The following KLF5 variants were observed in gnomAD, a reference collection of about 807,000 sequenced individuals.
The protein encoded by KLF5 is KLF transcription factor 5.
A neutral mutation model predicts 36.9 loss-of-function variants in KLF5; 9 were observed. The ratio of observed to expected loss-of-function variants is 0.24; its 90% CI spans 0.15 to 0.43. The LOEUF (loss-of-function observed/expected upper bound fraction) is 0.43, where lower values mean the gene tolerates loss of function less well. KLF5 is among the 20% of genes least tolerant of loss of function. The pLI is 1.00. For missense variants in KLF5, 524 were observed against 599.5 expected (o/e 0.87, Z 1.31); for synonymous variants, 246 against 241.7 (o/e 1.02, Z -0.17).
At chr13:73,064,457 T>A (rs2044664485) in intron 3 of KLF5, among the ~76,000 whole-genome samples, 1 of 152,178 alleles carries the variant, frequency 6.6e-6, no homozygotes, top group African/African-American at 2.4e-5. Flanking sequence ...TGTGAGAGAC[T>A]TGATCTTTAT....
chr13:73,059,674 T>C, intron 1 of KLF5, 86 bp downstream of exon 1: 1 of 1,008,816 alleles, frequency 9.9e-7, no homozygotes. Context: ...CAGGGGCCGC[T>C]CCAGGCTGGG....
intron 2 of KLF5, 109 bp downstream of exon 2, chr13:73,062,843 T>G: frequency 2.3e-6 from 2 of 857,574 alleles, no homozygotes; most frequent in Non-Finnish European, 3.6e-6. Flanking sequence ...TTCAACCTCA[T>G]GGCTTTAAAT....
chr13:73,062,012 T>G lies in KLF5; in HGVS notation c.413T>G (p.Val138Gly), dbSNP rs376732796. Residue 138 changes from valine (V) to glycine (G), a missense_variant, in exon 2 of 4, where the codon GTC becomes GGC. Physicochemically the swap from Val to Gly is moderately radical, Grantham distance 109. Coordinates refer to ENST00000377687, the MANE Select transcript of KLF5 (RefSeq NM_001730.5). Reference protein sequence around the residue: ...EGLPYSINMNVFLPDITHLRT... With the variant: ...EGLPYSINMNGFLPDITHLRT... ...TTACCTTACAGTATCAACATGAACG[T>G]CTTCCTCCCTGACATCACTCACCTG... The G allele has an allele frequency of 6.2e-7, 1 of 1,613,948 alleles. No homozygotes were observed. Among genetic ancestry groups the G allele is most frequent in the Non-Finnish European group, 8.5e-7 (1 of 1,180,022 alleles).
intron 3 of KLF5, among the ~76,000 whole-genome samples, chr13:73,064,716 G>C (rs969494119): frequency 3.3e-5 from 5 of 152,004 alleles, no homozygotes; most frequent in Non-Finnish European, 7.4e-5. Flanking sequence ...GTTGATTTTT[G>C]TATCTCTAGT....
intron 3 of KLF5, among the ~76,000 whole-genome samples, chr13:73,069,362 A>T (rs2044706297): frequency 1.3e-5 from 2 of 152,206 alleles, no homozygotes; most frequent in South Asian, 4.1e-4. Flanking sequence ...TAGAGATAAC[A>T]CAGGCAAAAT....
chr13:73,060,830 A>G (rs2044629393), intron 1 of KLF5, among the ~76,000 whole-genome samples: 1 of 152,202 alleles, frequency 6.6e-6, no homozygotes, highest in Non-Finnish European at 1.5e-5. Context: ...TTATACTAGG[A>G]GAGAAGATAG....
upstream of KLF5, among the ~76,000 whole-genome samples, chr13:73,055,592 G>A (rs1252125455): frequency 6.6e-6 from 1 of 151,882 alleles, no homozygotes; most frequent in Non-Finnish European, 1.5e-5. Context: ...TGCCATTAAT[G>A]AAAAAATACA....
At chr13:73,057,643 T>C (rs1264057136), upstream of KLF5, among the ~76,000 whole-genome samples, 2 of 152,232 alleles carry the variant, frequency 1.3e-5, no homozygotes, top group Non-Finnish European at 2.9e-5. Flanking sequence ...ATACCTTTGA[T>C]AGATACACTC....
chr13:73,063,953 TA>T, intron 3 of KLF5, 70 bp downstream of exon 3: 2 of 918,314 alleles, frequency 2.2e-6, no homozygotes, highest in Non-Finnish European at 3.5e-6. Flanking sequence ...TTTTAAAAGC[TA>T]ACACGTGTTT....
At chr13:73,062,764 A>G (rs766120552) in intron 2 of KLF5, 30 bp downstream of exon 2, 19 of 1,584,204 alleles carry the variant, frequency 1.2e-5, no homozygotes, top group Middle Eastern at 1.7e-4. Context: ...TGAAGCATCA[A>G]TAGATGTAGT....
In KLF5 at chr13:73,059,229, T is replaced by C; in HGVS notation, c.-99T>C. The C allele has an allele frequency of 1.7e-6, 2 of 1,184,684 alleles. No homozygotes were observed. The highest frequency in any genetic ancestry group is 3.0e-5 in the South Asian group (1 of 33,228). 73.4% of individuals were successfully genotyped at this position (1,184,684 alleles called of 1,614,324 possible). A position where few individuals can be genotyped will look rare whatever the true frequency, so the allele number is the denominator to read the frequency against. ...GGAGTCCACCCGAAACCTCCCCTCCTCCGCCGGCAGCCCCGCGCTGAGCTC... is the reference window on the plus strand; with the variant it reads ...GGAGTCCACCCGAAACCTCCCCTCCCCCGCCGGCAGCCCCGCGCTGAGCTC... On this transcript the variant is annotated 5_prime_UTR_variant, in exon 1 of 4. Coordinates refer to ENST00000377687, the MANE Select transcript of KLF5 (RefSeq NM_001730.5).
At chr13:73,064,655 T>C (rs549711853) in intron 3 of KLF5, among the ~76,000 whole-genome samples, 1 of 152,322 alleles carries the variant, frequency 6.6e-6, no homozygotes, top group Admixed American at 6.5e-5. Flanking sequence ...GCGATTCTCC[T>C]GCTTCAGCCT....
In KLF5 at chr13:73,061,026, T is replaced by C. The variant is rs1374672388; in HGVS notation, c.262-835T>C. ...TAGCATTGGCCCACTGAGAAGGACA[T>C]GATAAATGTTTTGCTGATGACTGTG... is the stretch of plus-strand genomic sequence containing the variant. On this transcript the variant is annotated intron_variant, in intron 1 of 3. Coordinates refer to ENST00000377687, the MANE Select transcript of KLF5 (RefSeq NM_001730.5). Among the ~76,000 whole-genome samples the C allele has an allele frequency of 2.0e-5, 3 of 152,154 alleles. No homozygotes were observed. In the East Asian group the frequency reaches 5.8e-4, roughly 29 times the overall value.
At chr13:73,070,843 G>T (rs1258688671) in intron 3 of KLF5, among the ~76,000 whole-genome samples, 4 of 152,090 alleles carry the variant, frequency 2.6e-5, no homozygotes, top group Non-Finnish European at 5.9e-5. Context: ...TCAAAACATG[G>T]TTCTCACCTA....
chr13:73,063,078 C>T (rs895139861), intron 2 of KLF5, among the ~76,000 whole-genome samples: 25 of 151,912 alleles, frequency 1.6e-4, no homozygotes, highest in African/African-American at 6.0e-4. Context: ...CGAGTTAGGC[C>T]AGAGTTACTT....
At chr13:73,068,985 A>G (rs1370638090) in intron 3 of KLF5, among the ~76,000 whole-genome samples, 7 of 152,132 alleles carry the variant, frequency 4.6e-5, no homozygotes, top group East Asian at 1.9e-4. Context: ...AGTCCCAGCT[A>G]CTTGGGAGCC....
intron 3 of KLF5, among the ~76,000 whole-genome samples, chr13:73,074,560 GT>G (rs370561335): frequency 3.5e-4 from 54 of 152,122 alleles, no homozygotes; most frequent in African/African-American, 1.2e-3. Flanking sequence ...CTGAAAGAAC[GT>G]TTTGGCATTT....
At chr13:73,066,273 C>G (rs914130814) in intron 3 of KLF5, among the ~76,000 whole-genome samples, 2 of 151,412 alleles carry the variant, frequency 1.3e-5, no homozygotes, top group African/African-American at 4.9e-5. Context: ...CCTCCCCACC[C>G]TGCCCGCCTG....
intron 1 of KLF5, chr13:73,059,817 C>T: frequency 2.1e-6 from 2 of 941,048 alleles, no homozygotes; most frequent in Non-Finnish European, 2.5e-6. Flanking sequence ...GGGAATCTGC[C>T]CCGGCGGGTC....
Sources: allele counts gnomAD v4.1 joint callset (sites outside exome capture counted in the v4.1 genomes callset), GRCh38; gene constraint gnomAD v4.1.1; transcripts MANE v1.5; gene names NCBI Gene and HGNC (gene_info 2026-07-23, HGNC 2026-07-21).